CAST: variants seen among roughly 807,000 people sequenced by gnomAD.
CAST encodes the protein calpastatin.
In CAST, 76 loss-of-function variants were observed where a neutral mutation model predicts 119.6. The observed-to-expected ratio is 0.64, with a 90% CI of 0.53 to 0.77. The LOEUF (loss-of-function observed/expected upper bound fraction) is 0.77. Among genes scored for constraint, CAST ranks in the 30% least tolerant of loss-of-function variants. The pLI is 0.00. For missense variants in CAST, 953 were observed against 946.5 expected, an observed-to-expected ratio of 1.01 and a Z score of -0.09; for synonymous variants, 319 against 331.6, an observed-to-expected ratio of 0.96 and a Z score of 0.41.
At chr5:96,682,991 A>T (rs1751630185) in intron 2 of CAST, among the ~76,000 whole-genome samples, 1 of 151,518 alleles carries the variant, frequency 6.6e-6, no homozygotes, top group African/African-American at 2.4e-5. Flanking sequence ...CACCCTGCCC[A>T]CTCCACTGAA....
At chr5:95,962,337 C>A in the CAST span, among the ~76,000 whole-genome samples, 6 of 151,774 alleles carry the variant, frequency 4.0e-5, no homozygotes, top group Non-Finnish European at 8.8e-5. Context: ...CCGACGGCTG[C>A]GGAAGCTGTG....
At chr5:96,481,332 C>A in the CAST span, among the ~76,000 whole-genome samples, 1 of 152,052 alleles carries the variant, frequency 6.6e-6, no homozygotes, top group Non-Finnish European at 1.5e-5. Flanking sequence ...TCTTTTAGAT[C>A]CTTTAAACAC....
chr5:96,618,930 C>T (rs1252796433), intron 1 of CAST, among the ~76,000 whole-genome samples: 3 of 152,236 alleles, frequency 2.0e-5, no homozygotes, highest in Non-Finnish European at 2.9e-5. Context: ...GCTCCTGAGT[C>T]GAGTGGGGAC....
the CAST span, among the ~76,000 whole-genome samples, chr5:96,328,267 G>T: frequency 4.6e-5 from 7 of 152,266 alleles, no homozygotes; most frequent in South Asian, 2.1e-4. Flanking sequence ...TGCCCAGAAG[G>T]CCTGGATGAG....
chr5:96,571,242 C>T (rs1746561154), intron 1 of CAST, among the ~76,000 whole-genome samples: 1 of 152,178 alleles, frequency 6.6e-6, no homozygotes. Context: ...ATAGGCAGCG[C>T]AGGGAGGGCT....
chr5:96,519,726 C>T, the CAST span, among the ~76,000 whole-genome samples: 1 of 152,158 alleles, frequency 6.6e-6, no homozygotes, highest in East Asian at 1.9e-4. Flanking sequence ...CCTGCCTCAG[C>T]CTCCCGAGTA....
At chr5:96,418,017 T>A in the CAST span, among the ~76,000 whole-genome samples, 1 of 152,220 alleles carries the variant, frequency 6.6e-6, no homozygotes, top group African/African-American at 2.4e-5. Flanking sequence ...AGAATCAATC[T>A]GCTGACAGAC....
chr5:96,642,791 C>T (rs1369432313), intron 1 of CAST, among the ~76,000 whole-genome samples: 1 of 152,126 alleles, frequency 6.6e-6, no homozygotes, highest in African/African-American at 2.4e-5. Flanking sequence ...TCAAGTGATC[C>T]GCCCACCTAG....
At chr5:96,160,684 A>G in the CAST span, among the ~76,000 whole-genome samples, 2 of 152,186 alleles carry the variant, frequency 1.3e-5, no homozygotes, top group Non-Finnish European at 2.9e-5. Flanking sequence ...AGGAACTGCC[A>G]AACTGTTTCC....
At chr5:96,578,692 C>T (rs1339512223) in intron 1 of CAST, among the ~76,000 whole-genome samples, 1 of 152,082 alleles carries the variant, frequency 6.6e-6, no homozygotes, top group East Asian at 1.9e-4. Context: ...CAACACCTGA[C>T]TCATCTCAGT....
At chr5:96,409,811 C>T in the CAST span, among the ~76,000 whole-genome samples, 7 of 152,308 alleles carry the variant, frequency 4.6e-5, no homozygotes, top group South Asian at 2.1e-4. Context: ...AAGAGATGCG[C>T]GTGAGAAGCA....
the CAST span, among the ~76,000 whole-genome samples, chr5:96,135,769 G>A: frequency 6.6e-6 from 1 of 151,920 alleles, no homozygotes; most frequent in Non-Finnish European, 1.5e-5. Context: ...TTAAAAATGT[G>A]TATATGAGGC....
At chr5:96,340,165 A>T in the CAST span, among the ~76,000 whole-genome samples, 1 of 152,222 alleles carries the variant, frequency 6.6e-6, no homozygotes, top group Non-Finnish European at 1.5e-5. Context: ...GCAGCATCTA[A>T]TGCCAACTAT....
At chr5:95,971,960 CT>C in the CAST span, among the ~76,000 whole-genome samples, 3,179 of 136,866 alleles carry the variant, frequency 0.023, 39 homozygotes, top group South Asian at 0.061. Flanking sequence ...TCTTTTATTT[CT>C]TTTTTTTTTT....
chr5:96,101,676 C>T, the CAST span, among the ~76,000 whole-genome samples: 1 of 152,202 alleles, frequency 6.6e-6, no homozygotes, highest in African/African-American at 2.4e-5. Context: ...AATGGCCAGG[C>T]ATGGTGGCTC....
the CAST span, among the ~76,000 whole-genome samples, chr5:96,069,375 G>A: frequency 1.3e-4 from 18 of 137,454 alleles, no homozygotes; most frequent in Admixed American, 5.1e-4. Flanking sequence ...GTGTGTGTGT[G>A]TGTGTGTCTA....
chr5:96,594,247 C>T (rs944192923), intron 1 of CAST, among the ~76,000 whole-genome samples: 2 of 152,200 alleles, frequency 1.3e-5, no homozygotes, highest in Non-Finnish European at 2.9e-5. Flanking sequence ...TATTAGCCAA[C>T]CGTTCCTGCA....
chr5:96,326,105 T>C, the CAST span, among the ~76,000 whole-genome samples: 1 of 152,190 alleles, frequency 6.6e-6, no homozygotes, highest in Admixed American at 6.5e-5. Context: ...CCACCCCCTA[T>C]TACCTGCCAA....
At chr5:96,225,316 A>C in the CAST span, among the ~76,000 whole-genome samples, 1 of 151,292 alleles carries the variant, frequency 6.6e-6, no homozygotes, top group Non-Finnish European at 1.5e-5. Context: ...TTTGGTTAAA[A>C]CCCAAACAGA....
Sources: gnomAD v4.1 joint callset for allele counts (sites outside exome capture counted in the v4.1 genomes callset) on GRCh38, gnomAD v4.1.1 for gene constraint, MANE v1.5 for transcripts, NCBI Gene and HGNC (gene_info 2026-07-23, HGNC 2026-07-21) for gene names.